The following TIMM21 variants were observed in gnomAD, a reference collection of about 807,000 sequenced individuals.
TIMM21 encodes the protein translocase of inner mitochondrial membrane 21.
A neutral mutation model predicts 27.7 loss-of-function variants in TIMM21; 30 were observed. That is an observed-to-expected ratio of 1.08 (90% CI 0.81 to 1.47). The LOEUF (loss-of-function observed/expected upper bound fraction) is 1.47, where lower values mean the gene tolerates loss of function less well. Among genes scored for constraint, TIMM21 ranks in the 40% most tolerant of loss-of-function variants. TIMM21 has a pLI of 0.00. For synonymous variants in TIMM21, 121 were observed against 114.4 expected (o/e 1.06, Z -0.37); for missense variants, 292 against 302.9 (o/e 0.96, Z 0.27).
In TIMM21 at chr18:74,155,150, G is replaced by A. The variant is rs762191215; in HGVS notation, c.307G>A (p.Glu103Lys). The A allele has an allele frequency of 6.2e-7, 1 of 1,614,236 alleles. No homozygotes were observed. The highest frequency in any genetic ancestry group is 8.5e-7 in the Non-Finnish European group (1 of 1,180,036). ...TTGGTGTTTTCTCTTCACAGTGAAA[G>A]AAGCCGGAAGAGATTTTACCTATTT... ...TAVPTSQKVK[E>K]AGRDFTYLIV... Residue 103 changes from glutamate (E) to lysine (K), a missense_variant, in exon 2 of 6, where the codon GAA (glutamate) becomes AAA (lysine). Coordinates refer to ENST00000169551, the MANE Select transcript of TIMM21 (RefSeq NM_014177.3).
At chr18:74,157,604 T>G (rs1049967022) in intron 3 of TIMM21, 1 of 157,078 alleles carries the variant, frequency 6.4e-6, no homozygotes, top group African/African-American at 2.4e-5. Flanking sequence ...TTTGTTTGTT[T>G]GTTTGTTTTG....
In TIMM21 at chr18:74,158,650, A is replaced by T; in HGVS notation, c.*170A>T. The T allele has an allele frequency of 5.4e-6, 3 of 555,512 alleles. No individual in the cohort carries two copies. The highest frequency in any genetic ancestry group is 9.7e-6 in the Non-Finnish European group (3 of 309,230). 34.4% of individuals were successfully genotyped at this position (555,512 alleles called of 1,614,324 possible). A position where few individuals can be genotyped will look rare whatever the true frequency, so the allele number is the denominator to read the frequency against. ...AAACTAGACATTTTCTTACGGAAAA[A>T]TTATGAAATACAGCATATTTTATGT... On this transcript the variant is annotated 3_prime_UTR_variant, in exon 6 of 6. Transcript: ENST00000169551.
At position 74,158,552 on chromosome 18, in the gene TIMM21, T is replaced by C. The variant is rs935373161; in HGVS notation, c.*72T>C. 1 of 925,078 alleles carries C rather than the reference T, an allele frequency of 1.1e-6. No individual in the cohort carries two copies. Among genetic ancestry groups the C allele is most frequent in the Non-Finnish European group, 1.7e-6 (1 of 589,738 alleles). The allele number at this position is 925,078 out of a possible 1,614,324, so 57.3% of individuals were successfully genotyped here. Reference sequence around the variant, plus strand: ...TTCTTCACAGCTGCCTTCCAGAATGTGTTCAAAAGAAAGACAAGAAGGAGT... The same window carrying C: ...TTCTTCACAGCTGCCTTCCAGAATGCGTTCAAAAGAAAGACAAGAAGGAGT... On this transcript the variant is annotated 3_prime_UTR_variant, in exon 6 of 6. Transcript: ENST00000169551.
At chr18:74,158,115 T>C (rs1180131262) in intron 4 of TIMM21, 28 bp downstream of exon 4, 1 of 1,614,014 alleles carries the variant, frequency 6.2e-7, no homozygotes, top group Non-Finnish European at 8.5e-7. Context: ...CAGAGGAGGC[T>C]CTGGGGAGAT....
At position 74,152,168 on chromosome 18, in the gene TIMM21, G is replaced by C; in HGVS notation, c.302-2977G>C. 6.6e-6 allele frequency among the ~76,000 whole-genome samples: 1 copy of C among 152,106 alleles called. No individual in the cohort carries two copies. Among genetic ancestry groups the C allele is most frequent in the Non-Finnish European group, 1.5e-5 (1 of 68,020 alleles). On this transcript the variant is annotated intron_variant, in intron 1 of 5. Coordinates refer to ENST00000169551, the MANE Select transcript of TIMM21 (RefSeq NM_014177.3). The surrounding 1 kb of genome is among the most constrained non-coding windows in gnomAD (Gnocchi z 4.1). Reference sequence around the variant, plus strand: ...TGCTGCTTCAGGGCTAGAGGGGTCAGGAGAATTGGGATTCAAGATTTTTTA... The same window carrying C: ...TGCTGCTTCAGGGCTAGAGGGGTCACGAGAATTGGGATTCAAGATTTTTTA...
Position 74,148,597 on chromosome 18 carries a change from ATGG to A in TIMM21, c.-211_-209del. The A allele has an allele frequency of 2.0e-6, 1 of 493,954 alleles. No homozygotes were observed. Among genetic ancestry groups the A allele is most frequent in the Non-Finnish European group, 3.6e-6 (1 of 276,276 alleles). 30.6% of individuals were successfully genotyped at this position (493,954 alleles called of 1,614,324 possible). A position where few individuals can be genotyped will look rare whatever the true frequency, so the allele number is the denominator to read the frequency against. ...AGGTGATCAGAGCCTGTTAATTAAA[ATGG>A]AAAGAAGACAGAAGGGAAGGTAGAC... On this transcript the variant is annotated 5_prime_UTR_variant, in exon 1 of 6. The change abolishes an upstream ATG in the 5' untranslated region. Transcript: ENST00000169551.
chr18:74,151,553 G>C (rs1979800471), intron 1 of TIMM21, among the ~76,000 whole-genome samples: 1 of 152,284 alleles, frequency 6.6e-6, no homozygotes, highest in East Asian at 1.9e-4. Flanking sequence ...CTCCATTTCT[G>C]TCAGGGCATC....
At chr18:74,151,445 C>G (rs1215468173) in intron 1 of TIMM21, among the ~76,000 whole-genome samples, 1 of 152,174 alleles carries the variant, frequency 6.6e-6, no homozygotes, top group South Asian at 2.1e-4. Context: ...CAGACACTCC[C>G]GACTGCCACT....
rs200901555 is a variant in TIMM21 at position 74,155,114 on chromosome 18, C to T, written c.302-31C>T. ...CAAGCTTGCCTGCTCCCAGCCGGCACCCGTAACCCATTGGTGTTTTCTCTT... is the reference window on the plus strand; with the variant it reads ...CAAGCTTGCCTGCTCCCAGCCGGCATCCGTAACCCATTGGTGTTTTCTCTT... On this transcript the variant is annotated intron_variant, in intron 1 of 5. Transcript: ENST00000169551. 6.1e-5 allele frequency: 98 copies of T among 1,610,880 alleles called. No homozygotes were observed. The South Asian group carries it at 8.8e-4, about 14-fold the overall frequency.
intron 5 of TIMM21, 43 bp from the exon 6 acceptor site, chr18:74,158,333 C>T (rs752731900): frequency 1.2e-6 from 2 of 1,607,916 alleles, no homozygotes; most frequent in Non-Finnish European, 1.7e-6. Context: ...TATTTAAGTT[C>T]TGGAAAGGAA....
In TIMM21 at chr18:74,156,394, G is replaced by A. The variant is rs1394296653; in HGVS notation, c.462+991G>A. 5 of 397,856 alleles carry A rather than the reference G, an allele frequency of 1.3e-5. No homozygotes were observed. The East Asian group carries it at 1.8e-4, about 14-fold the overall frequency. The allele number at this position is 397,856 out of a possible 1,614,324, so 24.6% of individuals were successfully genotyped here. On this transcript the variant is annotated intron_variant, in intron 3 of 5. Coordinates refer to ENST00000169551, the MANE Select transcript of TIMM21 (RefSeq NM_014177.3). ...AATGTTCTACCAGTTTTCTAATCATGTCAGGGTGGAAACCTCAGAAGCTAA... is the reference window on the plus strand; with the variant it reads ...AATGTTCTACCAGTTTTCTAATCATATCAGGGTGGAAACCTCAGAAGCTAA...
intron 3 of TIMM21, among the ~76,000 whole-genome samples, chr18:74,155,761 C>T (rs1437633399): frequency 6.6e-6 from 1 of 152,140 alleles, no homozygotes. Context: ...AAAATGTGTC[C>T]GTGCAAGCAC....
chr18:74,155,464 G>T, intron 3 of TIMM21, 61 bp downstream of exon 3: 1 of 1,381,066 alleles, frequency 7.2e-7, no homozygotes, highest in Non-Finnish European at 1.0e-6. Flanking sequence ...TCTGGGAGGA[G>T]GAAGTGGGCA....
In TIMM21 at chr18:74,160,390, A is replaced by G. The variant is rs1276775114; in HGVS notation, c.*1910A>G. 6.6e-6 allele frequency: 1 copy of G among 152,134 alleles called. No homozygotes were observed. The highest frequency in any genetic ancestry group is 1.5e-5 in the Non-Finnish European group (1 of 68,016). 9.4% of individuals were successfully genotyped at this position (152,134 alleles called of 1,614,324 possible). On this transcript the variant is annotated 3_prime_UTR_variant, in exon 6 of 6. Coordinates refer to ENST00000169551, the MANE Select transcript of TIMM21 (RefSeq NM_014177.3). ...AAAACTAAATTACTTTTTCAAAAGGAAAAACTCTGTACCAATAAGAGATTC... is the reference window on the plus strand; with the variant it reads ...AAAACTAAATTACTTTTTCAAAAGGGAAAACTCTGTACCAATAAGAGATTC...
Position 74,148,950 on chromosome 18 carries a change from CA to C in TIMM21, c.146del (p.Lys49ArgfsTer53). The C allele has an allele frequency of 6.2e-7, 1 of 1,614,134 alleles. No individual in the cohort carries two copies. The highest frequency in any genetic ancestry group is 1.1e-5 in the South Asian group (1 of 91,074). On this transcript the variant is annotated frameshift_variant, in exon 1 of 6. Coordinates refer to ENST00000169551, the MANE Select transcript of TIMM21 (RefSeq NM_014177.3). LOFTEE classifies it high-confidence loss of function. ...EPSLRCGLQY[Q>X]KKTLRPRCIL... ...CAGTTTGAGATGTGGGCTTCAATATCAAAAGAAAACGCTGCGACCTAGATGT... is the reference window on the plus strand; with the variant it reads ...CAGTTTGAGATGTGGGCTTCAATATCAAAGAAAACGCTGCGACCTAGATGT...
At chr18:74,156,587 T>A (rs1979957692) in intron 3 of TIMM21, 1 of 291,506 alleles carries the variant, frequency 3.4e-6, no homozygotes, top group Admixed American at 5.2e-5. Context: ...CCAAATTTTA[T>A]CTGACAAGAA....
intron 1 of TIMM21, among the ~76,000 whole-genome samples, chr18:74,153,720 G>A (rs1448165959): frequency 1.3e-5 from 2 of 152,164 alleles, no homozygotes; most frequent in African/African-American, 2.4e-5. Flanking sequence ...ATTGTGATAC[G>A]CTAAAGACTA....
chr18:74,157,980 T>A, intron 3 of TIMM21, 34 bp from the exon 4 acceptor site: 1 of 1,602,910 alleles, frequency 6.2e-7, no homozygotes, highest in Admixed American at 1.7e-5. Flanking sequence ...CTTAAAAAAA[T>A]AACACAAAAT....
In TIMM21 at chr18:74,152,997, A is replaced by ATCC. The variant is rs1979853025; in HGVS notation, c.302-2148_302-2147insTCC. 2.0e-5 allele frequency among the ~76,000 whole-genome samples: 3 copies of ATCC among 152,158 alleles called. No individual in the cohort carries two copies. Among genetic ancestry groups the ATCC allele is most frequent in the Non-Finnish European group, 4.4e-5 (3 of 68,034 alleles). The stretch of plus-strand genomic sequence containing the variant: ...GGGAAGTGCCGTGACCTAAGTGAGG[A>ATCC]AGCTCTCTTATGATGGAATGCCCAG... On this transcript the variant is annotated intron_variant, in intron 1 of 5. Coordinates refer to ENST00000169551, the MANE Select transcript of TIMM21 (RefSeq NM_014177.3). The surrounding 1 kb of genome is among the most constrained non-coding windows in gnomAD (Gnocchi z 4.1).
Sources: allele counts gnomAD v4.1 joint callset (sites outside exome capture counted in the v4.1 genomes callset), GRCh38; gene constraint gnomAD v4.1.1; non-coding constraint Gnocchi (gnomAD v3.1); transcripts MANE v1.5; gene names NCBI Gene and HGNC (gene_info 2026-07-23, HGNC 2026-07-21).